The following SRGAP1 variants were observed in gnomAD, a reference collection of about 807,000 sequenced individuals.
SRGAP1 encodes SLIT-ROBO Rho GTPase activating protein 1.
Under a neutral mutation model 121.9 loss-of-function variants are expected in SRGAP1, and 43 were observed. That is an observed-to-expected ratio of 0.35 (90% CI 0.28 to 0.46). SRGAP1 has a LOEUF of 0.46. SRGAP1 is among the 20% of genes least tolerant of loss of function. The pLI is 1.00. For synonymous variants in SRGAP1, 447 were observed against 485.4 expected (o/e 0.92, Z 1.04); for missense variants, 1,102 against 1,350.9 (o/e 0.82, Z 2.89).
At chr12:63,913,189 T>G (rs1592940281) in intron 1 of SRGAP1, among the ~76,000 whole-genome samples, 1 of 122,616 alleles carries the variant, frequency 8.2e-6, no homozygotes, top group Non-Finnish European at 1.7e-5. Context: ...TTCTGGTAAA[T>G]CCTTCTTTTT....
At chr12:64,050,196 T>C (rs1316629142) in intron 6 of SRGAP1, among the ~76,000 whole-genome samples, 1 of 152,218 alleles carries the variant, frequency 6.6e-6, no homozygotes, top group East Asian at 1.9e-4. Context: ...GATTATGTGC[T>C]GTTGGCATAT....
intron 4 of SRGAP1, among the ~76,000 whole-genome samples, chr12:64,024,290 G>A (rs1007057088): frequency 6.6e-6 from 1 of 152,108 alleles, no homozygotes; most frequent in Non-Finnish European, 1.5e-5. Context: ...ATTTAGCTGG[G>A]TGTGGTGGTG....
rs193201795 is a variant in SRGAP1, at chr12:64,153,348, C to T, written c.*10676C>T. On this transcript the variant is annotated 3_prime_UTR_variant, in exon 22 of 22. Coordinates refer to ENST00000355086, the MANE Select transcript of SRGAP1 (RefSeq NM_020762.4). ...ATTAGCCGGGCTTGGTGGTGCACAACTGTAATCCCACCTACTCGGGAGGCT... is the reference window on the plus strand; with the variant it reads ...ATTAGCCGGGCTTGGTGGTGCACAATTGTAATCCCACCTACTCGGGAGGCT... 351 of 152,120 alleles carry T rather than the reference C, an allele frequency of 2.3e-3. 4 individuals carry two copies. The highest frequency in any genetic ancestry group is 1.8e-3 in the Non-Finnish European group (123 of 68,046). The allele number at this position is 152,120 out of a possible 1,614,324, so 9.4% of individuals were successfully genotyped here. A position where few individuals can be genotyped will look rare whatever the true frequency, so the allele number is the denominator to read the frequency against.
rs184014149 is a variant in SRGAP1 at position 63,941,937 on chromosome 12, G to T, written c.68-42010G>T. 2.6e-3 allele frequency among the ~76,000 whole-genome samples: 396 copies of T among 152,244 alleles called. 2 individuals are homozygous for T. The highest frequency in any genetic ancestry group is 4.6e-3 in the Non-Finnish European group (313 of 68,000). On this transcript the variant is annotated intron_variant, in intron 1 of 21. Transcript: ENST00000355086. Reference sequence around the variant, plus strand: ...GGATCATGTGGTTTGGAAATCAGAAGTTCCAAACCTGGAAATCACAGGTTT... The same window carrying T: ...GGATCATGTGGTTTGGAAATCAGAATTTCCAAACCTGGAAATCACAGGTTT...
Position 64,126,079 on chromosome 12 carries a change from C to T in SRGAP1, c.2327C>T (p.Ala776Val). The T allele has an allele frequency of 6.2e-7, 1 of 1,614,176 alleles. No individual in the cohort carries two copies. The highest frequency in any genetic ancestry group is 8.5e-7 in the Non-Finnish European group (1 of 1,180,024). Residue 776 changes from alanine to valine, a missense_variant, in exon 19 of 22, where the codon GCA (alanine) becomes GTA (valine). Ala to Val is a moderately conservative substitution (Grantham distance 64). Coordinates refer to ENST00000355086, the MANE Select transcript of SRGAP1 (RefSeq NM_020762.4). ...GCCTCCCTGCTGCTGTATCACCGTGCATCTGAGGACTGGTGGGAAGGCAGG... is the reference window on the plus strand; with the variant it reads ...GCCTCCCTGCTGCTGTATCACCGTGTATCTGAGGACTGGTGGGAAGGCAGG... ...KGASLLLYHRASEDWWEGRHN... is the reference protein window; with the variant it reads ...KGASLLLYHRVSEDWWEGRHN...
chr12:64,002,648 A>G (rs185898497), intron 3 of SRGAP1, among the ~76,000 whole-genome samples: 39 of 152,284 alleles, frequency 2.6e-4, no homozygotes, highest in African/African-American at 9.1e-4. Context: ...GAATTGAACT[A>G]TAGAATAGGA....
At position 64,152,342 on chromosome 12, in the gene SRGAP1, G is replaced by T. The variant is rs1252222937; in HGVS notation, c.*9670G>T. ...GATTCCACGCCATCTGGTGCTGGAG[G>T]CTATGCTCATAACCACTGCTGCATT... On this transcript the variant is annotated 3_prime_UTR_variant, in exon 22 of 22. Transcript: ENST00000355086. 6 of 152,208 alleles carry T rather than the reference G, an allele frequency of 3.9e-5. No homozygotes were observed. The highest frequency in any genetic ancestry group is 4.4e-5 in the Non-Finnish European group (3 of 68,062). 9.4% of individuals were successfully genotyped at this position (152,208 alleles called of 1,614,324 possible). A position where few individuals can be genotyped will look rare whatever the true frequency, so the allele number is the denominator to read the frequency against.
At chr12:64,107,885 G>A (rs2036370153) in intron 15 of SRGAP1, among the ~76,000 whole-genome samples, 1 of 152,184 alleles carries the variant, frequency 6.6e-6, no homozygotes, top group Non-Finnish European at 1.5e-5. Flanking sequence ...GCTTTACAAA[G>A]TGGTAGTCTT....
At chr12:63,932,325 A>T (rs1471706504) in intron 1 of SRGAP1, among the ~76,000 whole-genome samples, 2 of 152,188 alleles carry the variant, frequency 1.3e-5, no homozygotes, top group South Asian at 2.1e-4. Context: ...AAACCGTAGA[A>T]TGTGTCAAAT....
At chr12:63,855,401 A>G (rs1899204727) in intron 1 of SRGAP1, among the ~76,000 whole-genome samples, 1 of 149,398 alleles carries the variant, frequency 6.7e-6, no homozygotes. Flanking sequence ...CCTGTTTCTA[A>G]TTATAACTTG....
intron 3 of SRGAP1, among the ~76,000 whole-genome samples, chr12:64,001,013 A>G (rs1352922388): frequency 1.3e-5 from 2 of 152,224 alleles, no homozygotes; most frequent in Non-Finnish European, 2.9e-5. Flanking sequence ...TCACAATATG[A>G]AAATAAAATA....
At chr12:63,976,369 G>C (rs928137743) in intron 1 of SRGAP1, among the ~76,000 whole-genome samples, 1 of 152,152 alleles carries the variant, frequency 6.6e-6, no homozygotes, top group African/African-American at 2.4e-5. Context: ...CTCCTGGTAA[G>C]TCAATCTCAG....
chr12:64,099,921 CTG>C (rs1841752380), intron 15 of SRGAP1, among the ~76,000 whole-genome samples: 1 of 152,190 alleles, frequency 6.6e-6, no homozygotes, highest in Non-Finnish European at 1.5e-5. Context: ...TTTTTAATAA[CTG>C]AGGCCATAGA....
At chr12:64,027,657 A>G (rs184758086) in intron 4 of SRGAP1, among the ~76,000 whole-genome samples, 59 of 152,300 alleles carry the variant, frequency 3.9e-4, no homozygotes, top group African/African-American at 1.3e-3. Context: ...CGAGATTGCA[A>G]AGAACATAGG....
chr12:63,850,152 G>C (rs1227627822), intron 1 of SRGAP1, among the ~76,000 whole-genome samples: 2 of 152,100 alleles, frequency 1.3e-5, no homozygotes, highest in East Asian at 3.9e-4. Context: ...CTGATGTTTT[G>C]GTGAAGCTGA....
intron 1 of SRGAP1, among the ~76,000 whole-genome samples, chr12:63,872,774 C>T (rs954522415): frequency 6.6e-6 from 1 of 152,164 alleles, no homozygotes; most frequent in African/African-American, 2.4e-5. Flanking sequence ...GAAATACAGT[C>T]CATGTCTTTT....
chr12:64,122,041 G>A (rs548443880), intron 18 of SRGAP1, among the ~76,000 whole-genome samples: 4 of 152,164 alleles, frequency 2.6e-5, no homozygotes, highest in Non-Finnish European at 4.4e-5. Context: ...TCTCTGCAAG[G>A]ACAGTGGGTA....
chr12:63,972,013 G>T (rs1022264447), intron 1 of SRGAP1, among the ~76,000 whole-genome samples: 1 of 152,152 alleles, frequency 6.6e-6, no homozygotes, highest in Admixed American at 6.5e-5. Context: ...TTATTGAAAT[G>T]TAGTTAAATC....
At chr12:64,073,179 T>G (rs79999737) in intron 8 of SRGAP1, among the ~76,000 whole-genome samples, 2 of 152,224 alleles carry the variant, frequency 1.3e-5, no homozygotes, top group Non-Finnish European at 2.9e-5. Flanking sequence ...TGGGATGATA[T>G]GCAGTCCCAG....
Sources: gnomAD v4.1 joint callset for allele counts (sites outside exome capture counted in the v4.1 genomes callset) on GRCh38, gnomAD v4.1.1 for gene constraint, MANE v1.5 for transcripts, NCBI Gene and HGNC (gene_info 2026-07-23, HGNC 2026-07-21) for gene names.